The following FARSB variants were observed in gnomAD, a reference collection of about 807,000 sequenced individuals.
FARSB encodes phenylalanyl-tRNA synthetase subunit beta.
In FARSB, 40 loss-of-function variants were observed where a neutral mutation model predicts 69.6. The observed-to-expected ratio is 0.57, with a 90% confidence interval of 0.45 to 0.75. The LOEUF (loss-of-function observed/expected upper bound fraction) is 0.75. Ranked by LOEUF, FARSB falls within the 30% of genes least tolerant of loss-of-function variation. FARSB has a pLI of 0.00. For synonymous variants in FARSB, 235 were observed against 247.2 expected, an observed-to-expected ratio of 0.95 and a Z score of 0.46; for missense variants, 632 against 722.9, an observed-to-expected ratio of 0.87 and a Z score of 1.44.
At chr2:222,583,037 T>C (rs993838189) in intron 16 of FARSB, among the ~76,000 whole-genome samples, 7 of 151,976 alleles carry the variant, frequency 4.6e-5, no homozygotes, top group African/African-American at 1.7e-4. Context: ...CTGCATGTTC[T>C]CACTCATAAG....
At chr2:222,579,284 G>A (rs1230884892) in intron 16 of FARSB, among the ~76,000 whole-genome samples, 1 of 152,166 alleles carries the variant, frequency 6.6e-6, no homozygotes, top group Admixed American at 6.5e-5. Flanking sequence ...TCCATTTCGT[G>A]TTTACAAACT....
chr2:222,612,115 AT>A (rs1462609015), intron 15 of FARSB, among the ~76,000 whole-genome samples: 4 of 152,238 alleles, frequency 2.6e-5, no homozygotes, highest in Non-Finnish European at 5.9e-5. Flanking sequence ...TGACAATGGA[AT>A]TATATCAAAT....
Position 222,613,803 on chromosome 2 carries a change from A to G in FARSB, c.1462+8T>C, listed in dbSNP as rs777782779. On this transcript the variant is annotated splice_region_variant and intron_variant, in intron 15 of 16. Transcript: ENST00000281828. ...ACACAAATCAAATCAAAGGTGACTTATTCTTACCTGTATTAGAATCTTTTA... is the reference window on the plus strand; with the variant it reads ...ACACAAATCAAATCAAAGGTGACTTGTTCTTACCTGTATTAGAATCTTTTA... 4 of 1,460,776 alleles carry G rather than the reference A, an allele frequency of 2.7e-6. No individual in the cohort carries two copies. The highest frequency in any genetic ancestry group is 1.7e-5 in the Admixed American group (1 of 59,614). The allele number at this position is 1,460,776 out of a possible 1,614,324, so 90.5% of individuals were successfully genotyped here.
intron 16 of FARSB, among the ~76,000 whole-genome samples, chr2:222,591,315 A>G (rs531858727): frequency 6.6e-6 from 1 of 152,134 alleles, no homozygotes; most frequent in African/African-American, 2.4e-5. Flanking sequence ...AAAAATAATT[A>G]CTCTTAATTT....
chr2:222,605,298 G>C (rs375733311), intron 15 of FARSB, among the ~76,000 whole-genome samples: 3 of 151,676 alleles, frequency 2.0e-5, no homozygotes, highest in Admixed American at 6.6e-5. Context: ...GGGTATTTTT[G>C]CCATGTGGTA....
intron 16 of FARSB, among the ~76,000 whole-genome samples, chr2:222,580,543 T>C (rs1201303463): frequency 1.3e-5 from 2 of 151,992 alleles, no homozygotes; most frequent in African/African-American, 4.8e-5. Flanking sequence ...TGAATCATTG[T>C]ATAGCTCCTT....
chr2:222,643,763 G>T (rs1434692991), intron 2 of FARSB, among the ~76,000 whole-genome samples: 1 of 152,196 alleles, frequency 6.6e-6, no homozygotes, highest in Admixed American at 6.5e-5. Flanking sequence ...GCAGAATGAA[G>T]GCAGCCAAGA....
Position 222,653,070 on chromosome 2 carries a change from C to T in FARSB, c.58+2946G>A, listed in dbSNP as rs189261453. Among the ~76,000 whole-genome samples, 25 of 152,244 alleles carry T rather than the reference C, an allele frequency of 1.6e-4. No individual in the cohort carries two copies. In the East Asian group the frequency reaches 4.4e-3, roughly 27 times the overall value. On this transcript the variant is annotated intron_variant, in intron 1 of 16. Coordinates refer to ENST00000281828, the MANE Select transcript of FARSB (RefSeq NM_005687.5). Reference sequence around the variant, plus strand: ...TACACAGAAGGTTCTGCCACTACTGCCAGCTATTACACCACGCCAGAACAG... The same window carrying T: ...TACACAGAAGGTTCTGCCACTACTGTCAGCTATTACACCACGCCAGAACAG...
intron 15 of FARSB, among the ~76,000 whole-genome samples, chr2:222,613,456 T>G (rs554020043): frequency 6.6e-6 from 1 of 152,220 alleles, no homozygotes; most frequent in East Asian, 1.9e-4. Flanking sequence ...GAGGCACAAG[T>G]ATCACTTGAA....
chr2:222,654,174 T>A (rs1692112017), intron 1 of FARSB, among the ~76,000 whole-genome samples: 1 of 152,166 alleles, frequency 6.6e-6, no homozygotes, highest in Non-Finnish European at 1.5e-5. Flanking sequence ...GCAATTCAGG[T>A]ATACAGACTG....
chr2:222,622,604 G>GTA (rs1691166967), intron 13 of FARSB, among the ~76,000 whole-genome samples: 1 of 152,122 alleles, frequency 6.6e-6, no homozygotes, highest in African/African-American at 2.4e-5. Flanking sequence ...ACAAATGTGT[G>GTA]TATATATATG....
At chr2:222,581,118 G>T (rs919615671) in intron 16 of FARSB, among the ~76,000 whole-genome samples, 1 of 152,142 alleles carries the variant, frequency 6.6e-6, no homozygotes, top group East Asian at 1.9e-4. Flanking sequence ...CCCAAGGTTA[G>T]GCCACAGCTA....
chr2:222,588,036 C>G (rs1260760684), intron 16 of FARSB, among the ~76,000 whole-genome samples: 1 of 152,158 alleles, frequency 6.6e-6, no homozygotes, highest in Non-Finnish European at 1.5e-5. Context: ...GATACCAAAG[C>G]CTGGCAGAGA....
chr2:222,590,031 T>C (rs1369050079), intron 16 of FARSB, among the ~76,000 whole-genome samples: 1 of 152,100 alleles, frequency 6.6e-6, no homozygotes, highest in Non-Finnish European at 1.5e-5. Flanking sequence ...ACCCAAAGGA[T>C]TATAAATCAT....
intron 2 of FARSB, among the ~76,000 whole-genome samples, chr2:222,643,651 A>G (rs1047525787): frequency 1.3e-5 from 2 of 152,348 alleles, no homozygotes; most frequent in African/African-American, 2.4e-5. Context: ...GAGGGGTAGT[A>G]TAAAAACTAA....
At chr2:222,622,788 G>A (rs1310115479) in intron 13 of FARSB, among the ~76,000 whole-genome samples, 1 of 152,164 alleles carries the variant, frequency 6.6e-6, no homozygotes, top group African/African-American at 2.4e-5. Flanking sequence ...AATGTGCTAC[G>A]TACTTATCCT....
chr2:222,603,704 G>T lies in FARSB; in HGVS notation c.1463-3621C>A, dbSNP rs187737224. Among the ~76,000 whole-genome samples, 204 of 145,902 alleles carry T rather than the reference G, an allele frequency of 1.4e-3. 1 individual carries two copies. Among genetic ancestry groups the T allele is most frequent in the Admixed American group, 0.012 (177 of 14,492 alleles). On this transcript the variant is annotated intron_variant, in intron 15 of 16. Coordinates refer to ENST00000281828, the MANE Select transcript of FARSB (RefSeq NM_005687.5). Reference sequence around the variant, plus strand: ...ATATTATATATTATTATATATATTAGATAATAATAATAAATATAATATTAA... The same window carrying T: ...ATATTATATATTATTATATATATTATATAATAATAATAAATATAATATTAA...
At chr2:222,588,043 G>C (rs1428969076) in intron 16 of FARSB, among the ~76,000 whole-genome samples, 5 of 152,258 alleles carry the variant, frequency 3.3e-5, no homozygotes, top group African/African-American at 1.2e-4. Flanking sequence ...AAGCCTGGCA[G>C]AGACACAACA....
At chr2:222,613,509 C>A (rs909573090) in intron 15 of FARSB, among the ~76,000 whole-genome samples, 3 of 152,152 alleles carry the variant, frequency 2.0e-5, no homozygotes, top group Non-Finnish European at 4.4e-5. Context: ...CAGGCCACTG[C>A]ACTCCAGCCT....
Sources: allele counts gnomAD v4.1 joint callset (sites outside exome capture counted in the v4.1 genomes callset), GRCh38; gene constraint gnomAD v4.1.1; transcripts MANE v1.5; gene names NCBI Gene and HGNC (gene_info 2026-07-23, HGNC 2026-07-21).